The following ERICH3 variants were observed in gnomAD, a reference collection of about 807,000 sequenced individuals.
ERICH3 encodes the protein glutamate-rich protein 3.
Under a neutral mutation model 131.1 loss-of-function variants are expected in ERICH3, and 126 were observed. The ratio of observed to expected loss-of-function variants is 0.96; its 90% CI spans 0.83 to 1.11. ERICH3 has a LOEUF of 1.11. ERICH3 is among the 50% of genes most tolerant of loss of function. The probability of loss-of-function intolerance (pLI) is 0.00; values close to 1 mark genes in which losing one functional copy is unlikely to be tolerated. For synonymous variants in ERICH3, 695 were observed against 644.6 expected (o/e 1.08, Z -1.18); for missense variants, 2,050 against 1,810.7 (o/e 1.13, Z -2.40).
At position 74,641,444 on chromosome 1, in the gene ERICH3, T is replaced by A. The variant is rs1646436932; in HGVS notation, c.331A>T (p.Arg111Trp). Residue 111 changes from arginine (R) to tryptophan (W), a missense_variant, in exon 5 of 15, where the codon AGG becomes TGG. Physicochemically the swap from Arg to Trp is moderately radical, Grantham distance 101. Coordinates refer to ENST00000326665, the MANE Select transcript of ERICH3 (RefSeq NM_001002912.5). ...ATTGGCATGTTATTTTCAACAGACCTTCTTGTGTGCTCTCCCTAGAATAAG... is the reference window on the plus strand; with the variant it reads ...ATTGGCATGTTATTTTCAACAGACCATCTTGTGTGCTCTCCCTAGAATAAG... Reference protein sequence around the residue: ...IQRFKGEHTRRSVENNMPILS... With the variant: ...IQRFKGEHTRWSVENNMPILS... 6.2e-6 allele frequency: 10 copies of A among 1,611,218 alleles called. No homozygotes were observed. The highest frequency in any genetic ancestry group is 7.6e-6 in the Non-Finnish European group (9 of 1,179,022).
At chr1:74,585,449 C>T (rs1647284868) in intron 12 of ERICH3, among the ~76,000 whole-genome samples, 1 of 152,114 alleles carries the variant, frequency 6.6e-6, no homozygotes, top group African/African-American at 2.4e-5. Context: ...TCATTTTATG[C>T]AATCAACCTA....
At chr1:74,575,624 T>C (rs1358444439) in intron 13 of ERICH3, among the ~76,000 whole-genome samples, 1 of 152,228 alleles carries the variant, frequency 6.6e-6, no homozygotes, top group African/African-American at 2.4e-5. Context: ...TTCAAATTCC[T>C]GCATGAAAGT....
rs951721145 is a variant in ERICH3 at position 74,643,072 on chromosome 1, C to A, written c.270G>T (p.Lys90Asn). The A allele has an allele frequency of 1.9e-6, 3 of 1,611,000 alleles. No individual in the cohort carries two copies. Among genetic ancestry groups the A allele is most frequent in the South Asian group, 1.1e-5 (1 of 90,966 alleles). Residue 90 changes from lysine (K) to asparagine (N), a missense_variant, in exon 4 of 15, where the codon AAG (lysine) becomes AAT (asparagine). By Grantham distance (94) the Lys-to-Asn change is moderately conservative. Coordinates refer to ENST00000326665, the MANE Select transcript of ERICH3 (RefSeq NM_001002912.5). ...MERYHQLEIKKKLETLARKER... is the reference protein window; with the variant it reads ...MERYHQLEIKNKLETLARKER... ...CCTTCCTAGCTAAGGTCTCCAATTT[C>A]TTTTTTATTTCAAGCTGATGGTAAC...
rs1307433356 is a variant in ERICH3 at position 74,586,386 on chromosome 1, A to G, written c.2176+3245T>C. 4.1e-6 allele frequency: 4 copies of G among 976,088 alleles called. No individual in the cohort carries two copies. In the African/African-American group the frequency reaches 7.0e-5, roughly 17 times the overall value. The allele number at this position is 976,088 out of a possible 1,614,324, so 60.5% of individuals were successfully genotyped here. Reference sequence around the variant, plus strand: ...TATATCTATACCTATCTACCTACCTATAATTTCTGTAATCATGCACACACC... The same window carrying G: ...TATATCTATACCTATCTACCTACCTGTAATTTCTGTAATCATGCACACACC... On this transcript the variant is annotated intron_variant, in intron 12 of 14. Coordinates refer to ENST00000326665, the MANE Select transcript of ERICH3 (RefSeq NM_001002912.5).
rs555995758 is a variant in ERICH3, at chr1:74,619,288, A to G, written c.1000+1446T>C. ...TTTAGCTAAGCCTCATTCTTTTTTC[A>G]TTTGTATCTATCACATTTTCCAGCA... On this transcript the variant is annotated intron_variant, in intron 8 of 14. Transcript: ENST00000326665. Among the ~76,000 whole-genome samples, 9 of 152,032 alleles carry G rather than the reference A, an allele frequency of 5.9e-5. No individual in the cohort carries two copies. The East Asian group carries it at 1.5e-3, about 26-fold the overall frequency.
chr1:74,634,956 A>G (rs12127070), intron 6 of ERICH3: 164,213 of 365,958 alleles, frequency 0.45, 39,780 homozygotes, highest in Non-Finnish European at 0.52. Flanking sequence ...GGCTTCTCAT[A>G]TATGTCTGCC....
rs774146000 is a variant in ERICH3, at chr1:74,569,368, T to C, written c.*1090A>G. 1 of 152,166 alleles carries C rather than the reference T, an allele frequency of 6.6e-6. No homozygotes were observed. Among genetic ancestry groups the C allele is most frequent in the Non-Finnish European group, 1.5e-5 (1 of 68,038 alleles). 9.4% of individuals were successfully genotyped at this position (152,166 alleles called of 1,614,324 possible). A position where few individuals can be genotyped will look rare whatever the true frequency, so the allele number is the denominator to read the frequency against. On this transcript the variant is annotated 3_prime_UTR_variant, in exon 15 of 15. Transcript: ENST00000326665. Reference sequence around the variant, plus strand: ...CTCATATAGAGAAATGGTAGACATATACATGCGCTCTGGGGCACTTGTATG... The same window carrying C: ...CTCATATAGAGAAATGGTAGACATACACATGCGCTCTGGGGCACTTGTATG...
At position 74,572,360 on chromosome 1, in the gene ERICH3, G is replaced by C. The variant is rs1258987882; in HGVS notation, c.3350C>G (p.Ala1117Gly). ...TEVRAEEETK[A>G]PPNEMGSDAE... ...ATCAGATCCCATTTCATTTGGGGGA[G>C]CTTTTGTCTCTTCCTCAGCTCTTAC... The change falls in exon 14 of 15, where the codon GCT (alanine) becomes GGT (glycine). Residue 1117 changes from alanine (A) to glycine (G), a missense_variant. Transcript: ENST00000326665. 5 of 1,613,736 alleles carry C rather than the reference G, an allele frequency of 3.1e-6. No homozygotes were observed. The highest frequency in any genetic ancestry group is 4.2e-6 in the Non-Finnish European group (5 of 1,179,998).
At chr1:74,587,445 C>T (rs1018243343) in intron 12 of ERICH3, among the ~76,000 whole-genome samples, 1 of 151,130 alleles carries the variant, frequency 6.6e-6, no homozygotes, top group Non-Finnish European at 1.5e-5. Context: ...TAGATGTTAT[C>T]AAGTCAAGAC....
rs1373604314 is a variant in ERICH3, at chr1:74,646,659, AT to A, written c.243+7del. On this transcript the variant is annotated splice_region_variant and intron_variant, in intron 3 of 14. Transcript: ENST00000326665. ...AAAATAAAATAAAAAATAAGTATAT[AT>A]TTTTACCTCCATATCAAGAACTTTA... 1 of 1,274,380 alleles carries A rather than the reference AT, an allele frequency of 7.8e-7. No homozygotes were observed. The highest frequency in any genetic ancestry group is 1.6e-5 in the South Asian group (1 of 61,948). The allele number at this position is 1,274,380 out of a possible 1,614,324, so 78.9% of individuals were successfully genotyped here.
In ERICH3 at chr1:74,589,916, T is replaced by G; in HGVS notation, c.1891A>C (p.Lys631Gln). The stretch of plus-strand genomic sequence containing the variant: ...GATTCCTCAATTGGAAGGTGAGACT[T>G]TCTTGGCTTATCATTTTCACTCAGT... ...QELSENDKPRKSHLPIEESLE... is the reference protein window; with the variant it reads ...QELSENDKPRQSHLPIEESLE... Residue 631 changes from lysine to glutamine, a missense_variant, in exon 12 of 15, where the codon AAG (lysine) becomes CAG (glutamine). Coordinates refer to ENST00000326665, the MANE Select transcript of ERICH3 (RefSeq NM_001002912.5). 1 of 1,614,058 alleles carries G rather than the reference T, an allele frequency of 6.2e-7. No individual in the cohort carries two copies. The highest frequency in any genetic ancestry group is 1.7e-5 in the Admixed American group (1 of 60,014).
chr1:74,582,170 G>A (rs1464760392), intron 12 of ERICH3, among the ~76,000 whole-genome samples: 2 of 152,126 alleles, frequency 1.3e-5, no homozygotes, highest in Non-Finnish European at 2.9e-5. Flanking sequence ...AACAATTAGA[G>A]GCCAGCACAC....
chr1:74,640,795 G>A (rs1372734458), intron 5 of ERICH3, among the ~76,000 whole-genome samples: 1 of 152,068 alleles, frequency 6.6e-6, no homozygotes, highest in African/African-American at 2.4e-5. Context: ...AATAAAAGAA[G>A]CTCAAATGTT....
chr1:74,585,919 C>T (rs1374916805), intron 12 of ERICH3, among the ~76,000 whole-genome samples: 2 of 152,006 alleles, frequency 1.3e-5, no homozygotes, highest in African/African-American at 4.8e-5. Context: ...CATTAGCCCC[C>T]CAACTGTTAT....
Position 74,636,394 on chromosome 1 carries a change from T to A in ERICH3, c.489A>T (p.Pro163=), listed in dbSNP as rs776509957. ...TACTGGGAAGAGGCTGTAATCGAAT[T>A]GGAGGCTGCATATTTCCTGGAGCAG... ...PYTAPGNMQP[P]IRLQPLPSNP... The change falls in exon 6 of 15, where the codon CCA becomes CCT. Residue 163 remains proline (P), a synonymous_variant. Coordinates refer to ENST00000326665, the MANE Select transcript of ERICH3 (RefSeq NM_001002912.5). 1.9e-6 allele frequency: 3 copies of A among 1,612,964 alleles called. No individual in the cohort carries two copies. The South Asian group carries it at 3.3e-5, about 18-fold the overall frequency.
At chr1:74,626,633 G>A (rs79309240) in intron 7 of ERICH3, among the ~76,000 whole-genome samples, 61 of 152,260 alleles carry the variant, frequency 4.0e-4, no homozygotes, top group South Asian at 2.5e-3. Context: ...TATAGAGTAG[G>A]TGACTGGTAA....
At position 74,599,979 on chromosome 1, in the gene ERICH3, T is replaced by C. The variant is rs918233748; in HGVS notation, c.1490-48A>G. 6.0e-6 allele frequency: 8 copies of C among 1,323,912 alleles called. No homozygotes were observed. The African/African-American group carries it at 7.4e-5, about 12-fold the overall frequency. The allele number at this position is 1,323,912 out of a possible 1,614,324, so 82.0% of individuals were successfully genotyped here. A position where few individuals can be genotyped will look rare whatever the true frequency, so the allele number is the denominator to read the frequency against. On this transcript the variant is annotated intron_variant, in intron 10 of 14. Coordinates refer to ENST00000326665, the MANE Select transcript of ERICH3 (RefSeq NM_001002912.5). ...ATAAGAATGAAAATAGAACCCCTTA[T>C]ACTTAACCTATTTCTCTCTAATGAG...
intron 9 of ERICH3, 121 bp downstream of exon 9, chr1:74,612,502 T>C (rs1648743325): frequency 3.7e-6 from 3 of 804,942 alleles, no homozygotes; most frequent in South Asian, 3.5e-5. Flanking sequence ...TGAACCTAGA[T>C]ATTGTAGGCC....
intron 1 of ERICH3, among the ~76,000 whole-genome samples, chr1:74,651,572 T>A (rs1406412399): frequency 6.6e-6 from 1 of 152,150 alleles, no homozygotes; most frequent in East Asian, 1.9e-4. Context: ...TTTCAGCTCC[T>A]CATTTCAGAA....
Sources: allele counts gnomAD v4.1 joint callset (sites outside exome capture counted in the v4.1 genomes callset), GRCh38; gene constraint gnomAD v4.1.1; transcripts MANE v1.5; gene names NCBI Gene and HGNC (gene_info 2026-07-23, HGNC 2026-07-21).